Variants in CSNK1G3 observed in about 807,000 individuals in gnomAD.
CSNK1G3 encodes the protein casein kinase 1 gamma 3.
Under a neutral mutation model 64.3 loss-of-function variants are expected in CSNK1G3, and 23 were observed. The observed-to-expected ratio is 0.36, with a 90% CI of 0.26 to 0.51. The LOEUF (loss-of-function observed/expected upper bound fraction) is 0.51, where lower values mean the gene tolerates loss of function less well. CSNK1G3 is among the 20% of genes least tolerant of loss of function. CSNK1G3 has a pLI of 0.96. For synonymous variants in CSNK1G3, 158 were observed against 162.2 expected (o/e 0.97, Z 0.20); for missense variants, 357 against 510.5 (o/e 0.70, Z 2.90).
chr5:123,531,777 T>C (rs1160736534), intron 1 of CSNK1G3, among the ~76,000 whole-genome samples: 1 of 151,952 alleles, frequency 6.6e-6, no homozygotes, highest in African/African-American at 2.4e-5. Context: ...ATCTGTTATT[T>C]TTAGTAGTAG....
intron 1 of CSNK1G3, among the ~76,000 whole-genome samples, chr5:123,543,855 C>G (rs1782085188): frequency 6.6e-6 from 1 of 152,152 alleles, no homozygotes; most frequent in Non-Finnish European, 1.5e-5. Flanking sequence ...TCAGTTTCAT[C>G]TGCAAATAAG....
chr5:123,526,637 T>C (rs189911939), intron 1 of CSNK1G3, among the ~76,000 whole-genome samples: 1 of 152,316 alleles, frequency 6.6e-6, no homozygotes, highest in African/African-American at 2.4e-5. Context: ...TTGCTTTTTC[T>C]AGAATATCAT....
intron 2 of CSNK1G3, among the ~76,000 whole-genome samples, chr5:123,551,743 T>G (rs1436435040): frequency 1.3e-5 from 2 of 152,150 alleles, no homozygotes; most frequent in Non-Finnish European, 2.9e-5. Context: ...GATTGCTTCT[T>G]CTGTGTTCAG....
At chr5:123,603,740 C>T (rs79039872) in intron 10 of CSNK1G3, among the ~76,000 whole-genome samples, 2,108 of 152,162 alleles carry the variant, frequency 0.014, 23 homozygotes, top group Non-Finnish European at 0.019. Context: ...GAATTCTAGG[C>T]AGTGACAATA....
chr5:123,545,742 C>G (rs758415272), exon 2 of CSNK1G3: 1 of 1,613,618 alleles, frequency 6.2e-7, no homozygotes, highest in Non-Finnish European at 8.5e-7. Flanking sequence ...ACACAACACT[C>G]GAGGAACTGG....
At chr5:123,588,266 C>G in intron 7 of CSNK1G3, 113 bp downstream of exon 7, 1 of 1,043,380 alleles carries the variant, frequency 9.6e-7, no homozygotes. Flanking sequence ...AAGTAGGCAT[C>G]AGGGCTCCCT....
At chr5:123,553,410 C>T (rs1441606888) in intron 3 of CSNK1G3, among the ~76,000 whole-genome samples, 1 of 152,050 alleles carries the variant, frequency 6.6e-6, no homozygotes, top group Admixed American at 6.6e-5. Context: ...TGGATCTTGG[C>T]CCTATTTTTA....
At chr5:123,602,474 A>T (rs1398728141) in intron 10 of CSNK1G3, among the ~76,000 whole-genome samples, 2 of 152,212 alleles carry the variant, frequency 1.3e-5, no homozygotes, top group East Asian at 3.8e-4. Flanking sequence ...AATATGAGGT[A>T]CTATAAATAC....
intron 3 of CSNK1G3, among the ~76,000 whole-genome samples, chr5:123,553,371 A>G (rs753918279): frequency 2.0e-5 from 3 of 152,182 alleles, no homozygotes; most frequent in Non-Finnish European, 4.4e-5. Context: ...CAAAAACTCA[A>G]TCCCTTTACT....
At chr5:123,592,828 C>T (rs1370476853) in intron 10 of CSNK1G3, among the ~76,000 whole-genome samples, 1 of 151,534 alleles carries the variant, frequency 6.6e-6, no homozygotes, top group Admixed American at 6.6e-5. Flanking sequence ...GCATCTCATA[C>T]ATAAATTACT....
chr5:123,540,129 C>G (rs1412254088), intron 1 of CSNK1G3, among the ~76,000 whole-genome samples: 1 of 151,820 alleles, frequency 6.6e-6, no homozygotes, highest in South Asian at 2.1e-4. Flanking sequence ...GTTGATTTTC[C>G]TCTCTGGATA....
intron 4 of CSNK1G3, among the ~76,000 whole-genome samples, chr5:123,573,099 T>C (rs1435988564): frequency 1.3e-5 from 2 of 152,146 alleles, no homozygotes; most frequent in Non-Finnish European, 2.9e-5. Flanking sequence ...AATATAAAGC[T>C]AAAAAGCCCA....
At chr5:123,546,677 A>T (rs558651328) in intron 2 of CSNK1G3, among the ~76,000 whole-genome samples, 1 of 152,182 alleles carries the variant, frequency 6.6e-6, no homozygotes, top group Admixed American at 6.6e-5. Context: ...TTAGATGTAA[A>T]AAGAAAATCT....
intron 5 of CSNK1G3, 63 bp from the exon 6 acceptor site, chr5:123,575,666 C>T (rs1402115479): frequency 2.1e-6 from 2 of 942,700 alleles, no homozygotes; most frequent in Non-Finnish European, 3.3e-6. Context: ...TTGCCTTTAT[C>T]ATACTTGCTT....
intron 4 of CSNK1G3, among the ~76,000 whole-genome samples, chr5:123,567,313 T>C (rs1331848310): frequency 6.6e-6 from 1 of 152,138 alleles, no homozygotes; most frequent in African/African-American, 2.4e-5. Context: ...AAATATTTTA[T>C]TTTAAGGCCA....
At chr5:123,606,415 C>G (rs1285332212) in intron 12 of CSNK1G3, among the ~76,000 whole-genome samples, 1 of 152,068 alleles carries the variant, frequency 6.6e-6, no homozygotes, top group Non-Finnish European at 1.5e-5. Context: ...GTGGCAGATT[C>G]GACTGCACAT....
At position 123,573,303 on chromosome 5, in the gene CSNK1G3, A is replaced by G. The variant is rs952397778; in HGVS notation, c.290-90A>G. 5 of 1,388,938 alleles carry G rather than the reference A, an allele frequency of 3.6e-6. No individual in the cohort carries two copies. In the African/African-American group the frequency reaches 7.2e-5, roughly 20 times the overall value. The allele number at this position is 1,388,938 out of a possible 1,614,324, so 86.0% of individuals were successfully genotyped here. A position where few individuals can be genotyped will look rare whatever the true frequency, so the allele number is the denominator to read the frequency against. On this transcript the variant is annotated intron_variant, in intron 4 of 12. Transcript: ENST00000345990. ...GTGATAGTACTGCTTTAGTTCTTGAAACTATAAAATTTTAAATATCAGTTT... is the reference window on the plus strand; with the variant it reads ...GTGATAGTACTGCTTTAGTTCTTGAGACTATAAAATTTTAAATATCAGTTT...
rs143270850 is a variant in CSNK1G3 at position 123,513,080 on chromosome 5, G to A, written c.-248+510G>A. 6.4e-4 allele frequency among the ~76,000 whole-genome samples: 97 copies of A among 152,218 alleles called. 1 individual carries two copies. The Middle Eastern group carries it at 0.017, about 27-fold the overall frequency. ...CGTTCAGCTCAGGGATAAACTTCCC[G>A]TTGGAGTGTTTAAGGGGTTGGGTGG... On this transcript the variant is annotated intron_variant, in intron 1 of 12. Transcript: ENST00000345990.
intron 7 of CSNK1G3, 111 bp downstream of exon 7, chr5:123,588,264 A>C: frequency 9.5e-7 from 1 of 1,047,444 alleles, no homozygotes; most frequent in East Asian, 2.5e-5. Flanking sequence ...GTAAGTAGGC[A>C]TCAGGGCTCC....
Sources: allele counts gnomAD v4.1 joint callset (sites outside exome capture counted in the v4.1 genomes callset), GRCh38; gene constraint gnomAD v4.1.1; transcripts MANE v1.5; gene names NCBI Gene and HGNC (gene_info 2026-07-23, HGNC 2026-07-21).